The following NRXN3 variants were observed in gnomAD, a reference collection of about 807,000 sequenced individuals.
The protein encoded by NRXN3 is neurexin III.
Under a neutral mutation model 137.6 loss-of-function variants are expected in NRXN3, and 32 were observed. The observed-to-expected ratio is 0.23, with a 90% CI of 0.18 to 0.31. NRXN3 has a LOEUF of 0.31. Among genes scored for constraint, NRXN3 ranks in the 10% least tolerant of loss-of-function variants. The pLI, the probability that NRXN3 is intolerant of heterozygous loss-of-function variation, is 1.00. For synonymous variants in NRXN3, 798 were observed against 784.5 expected, an observed-to-expected ratio of 1.02 and a Z score of -0.29; for missense variants, 1,574 against 2,062.5, an observed-to-expected ratio of 0.76 and a Z score of 4.59.
chr14:79,341,767 G>T (rs1354015637), intron 15 of NRXN3, among the ~76,000 whole-genome samples: 1 of 152,114 alleles, frequency 6.6e-6, no homozygotes, highest in Non-Finnish European at 1.5e-5. Context: ...TGAAAGATAT[G>T]CTTTATAGTT....
At chr14:78,611,035 C>T (rs1158615131) in intron 4 of NRXN3, among the ~76,000 whole-genome samples, 1 of 152,166 alleles carries the variant, frequency 6.6e-6, no homozygotes. Context: ...CCTGACACCC[C>T]AACTCCATGC....
intron 8 of NRXN3, among the ~76,000 whole-genome samples, chr14:78,782,044 G>T (rs561951153): frequency 6.6e-6 from 1 of 152,142 alleles, no homozygotes; most frequent in Non-Finnish European, 1.5e-5. Context: ...GTGACATTTG[G>T]ACTGGGCTTG....
intron 15 of NRXN3, among the ~76,000 whole-genome samples, chr14:79,147,592 C>T (rs759888781): frequency 1.4e-4 from 21 of 152,196 alleles, no homozygotes; most frequent in Admixed American, 2.6e-4. Flanking sequence ...ACTTAGTTAA[C>T]GAATACCTTT....
chr14:78,726,975 A>C (rs576355013), intron 8 of NRXN3, among the ~76,000 whole-genome samples: 1 of 151,892 alleles, frequency 6.6e-6, no homozygotes, highest in African/African-American at 2.4e-5. Flanking sequence ...AAAAAAAAAA[A>C]AAACCTTCAC....
chr14:79,754,838 G>A (rs909574793), intron 19 of NRXN3, among the ~76,000 whole-genome samples: 3 of 151,738 alleles, frequency 2.0e-5, no homozygotes, highest in East Asian at 3.9e-4. Flanking sequence ...TTGTGGTAGT[G>A]GGTGAGTTCT....
At chr14:79,540,893 TCAAA>T (rs751081319) in intron 16 of NRXN3, among the ~76,000 whole-genome samples, 106 of 152,286 alleles carry the variant, frequency 7.0e-4, no homozygotes, top group Non-Finnish European at 1.3e-3. Context: ...CTTGGTGGAA[TCAAA>T]CAAAGATTTT....
At chr14:78,372,960 A>G (rs537511805) in intron 4 of NRXN3, among the ~76,000 whole-genome samples, 33 of 152,316 alleles carry the variant, frequency 2.2e-4, no homozygotes, top group African/African-American at 7.5e-4. Context: ...AGGTAGAATA[A>G]TGAAGCTGAG....
chr14:79,730,822 C>A (rs1409777522), intron 19 of NRXN3, among the ~76,000 whole-genome samples: 1 of 152,060 alleles, frequency 6.6e-6, no homozygotes, highest in African/African-American at 2.4e-5. Flanking sequence ...ACAATCATCC[C>A]CCAGTGAACA....
intron 4 of NRXN3, among the ~76,000 whole-genome samples, chr14:78,370,579 A>G (rs1249174985): frequency 6.6e-6 from 1 of 152,234 alleles, no homozygotes; most frequent in African/African-American, 2.4e-5. Context: ...AATGCCTACT[A>G]AAAAGCCAGT....
chr14:79,670,245 G>C (rs1603406056), intron 17 of NRXN3, among the ~76,000 whole-genome samples: 1 of 151,978 alleles, frequency 6.6e-6, no homozygotes, highest in African/African-American at 2.4e-5. Context: ...TTGCCTTCAT[G>C]TACCTTCTGA....
intron 15 of NRXN3, among the ~76,000 whole-genome samples, chr14:79,308,157 C>T (rs2086459492): frequency 6.6e-6 from 1 of 152,098 alleles, no homozygotes. Flanking sequence ...CAGTCACATT[C>T]TGAGGGGTGT....
At chr14:78,476,397 T>A (rs2095378656) in intron 4 of NRXN3, among the ~76,000 whole-genome samples, 1 of 152,286 alleles carries the variant, frequency 6.6e-6, no homozygotes, top group African/African-American at 2.4e-5. Flanking sequence ...AGGAGCCAGC[T>A]ATGCAGAAAG....
intron 15 of NRXN3, among the ~76,000 whole-genome samples, chr14:79,358,612 A>AGAAGGAAG (rs2093545904): frequency 8.4e-6 from 1 of 119,242 alleles, no homozygotes; most frequent in African/African-American, 3.5e-5. Flanking sequence ...AGAAAGAGAA[A>AGAAGGAAG]GAAAGAAAGA....
chr14:79,480,811 C>A (rs1476591126), intron 16 of NRXN3, among the ~76,000 whole-genome samples: 9 of 152,186 alleles, frequency 5.9e-5, no homozygotes, highest in African/African-American at 2.2e-4. Flanking sequence ...GTAGCACCTT[C>A]CCCTCTCTCT....
At chr14:79,571,152 C>T (rs1380417338) in intron 16 of NRXN3, among the ~76,000 whole-genome samples, 3 of 152,106 alleles carry the variant, frequency 2.0e-5, no homozygotes. Flanking sequence ...ATTTGCCACC[C>T]AATGGATGCC....
At chr14:79,347,716 T>C (rs769617288) in intron 15 of NRXN3, among the ~76,000 whole-genome samples, 12 of 152,142 alleles carry the variant, frequency 7.9e-5, no homozygotes, top group Non-Finnish European at 1.5e-4. Context: ...CCACCGCACC[T>C]GGCCAACATT....
At chr14:79,115,317 C>G (rs1027542075) in intron 15 of NRXN3, among the ~76,000 whole-genome samples, 2 of 115,666 alleles carry the variant, frequency 1.7e-5, no homozygotes, top group Non-Finnish European at 3.5e-5. Context: ...AAGAACGAAA[C>G]TCTGTCTCAA....
At chr14:79,680,443 T>TTGTGTG (rs112213664) in intron 17 of NRXN3, among the ~76,000 whole-genome samples, 7 of 150,208 alleles carry the variant, frequency 4.7e-5, no homozygotes, top group African/African-American at 1.5e-4. Context: ...GTAGGACTGT[T>TTGTGTG]TGTGTGTGTG....
intron 15 of NRXN3, among the ~76,000 whole-genome samples, chr14:78,999,580 A>ATAAG (rs1182595978): frequency 6.6e-6 from 1 of 152,204 alleles, no homozygotes; most frequent in African/African-American, 2.4e-5. Context: ...GGGAATTATA[A>ATAAG]TAAGTATCCC....
Sources: allele counts gnomAD v4.1 joint callset (sites outside exome capture counted in the v4.1 genomes callset), GRCh38; gene constraint gnomAD v4.1.1; transcripts MANE v1.5; gene names NCBI Gene and HGNC (gene_info 2026-07-23, HGNC 2026-07-21).